APH1B: variants seen among roughly 807,000 people sequenced by gnomAD.
APH1B encodes the protein aph-1B gamma-secretase subunit.
In APH1B, 27 loss-of-function variants were observed where a neutral mutation model predicts 28.2. That is an observed-to-expected ratio of 0.96 (90% CI 0.70 to 1.32). The LOEUF is 1.32. APH1B is among the 40% of genes most tolerant of loss of function. APH1B has a pLI of 0.00. For synonymous variants in APH1B, 141 were observed against 124.6 expected (o/e 1.13, Z -0.88); for missense variants, 305 against 313.6 (o/e 0.97, Z 0.21).
At chr15:63,296,034 A>G (rs551972650) in intron 4 of APH1B, among the ~76,000 whole-genome samples, 2 of 152,238 alleles carry the variant, frequency 1.3e-5, no homozygotes, top group African/African-American at 4.8e-5. Context: ...TTGATTAGCA[A>G]TCTATATCTA....
In APH1B at chr15:63,287,526, C is replaced by G; in HGVS notation, c.458C>G (p.Pro153Arg). Residue 153 changes from proline to arginine, a missense_variant, in exon 4 of 6, where the codon CCT becomes CGT. By Grantham distance (103) the Pro-to-Arg change is moderately radical (BLOSUM62 -2). Coordinates refer to ENST00000261879, the MANE Select transcript of APH1B (RefSeq NM_031301.4). The stretch of plus-strand genomic sequence containing the variant: ...ACAGTGGGCATTCATGGAGATTCTC[C>G]TCAATTCTTCCTTTATTCAGGTATG... ...PGTVGIHGDSPQFFLYSAFMT... is the reference protein window; with the variant it reads ...PGTVGIHGDSRQFFLYSAFMT... The G allele has an allele frequency of 6.2e-7, 1 of 1,613,908 alleles. No individual in the cohort carries two copies. The highest frequency in any genetic ancestry group is 1.3e-5 in the African/African-American group (1 of 75,014).
At position 63,307,923 on chromosome 15, in the gene APH1B, T is replaced by C. The variant is rs894803437; in HGVS notation, c.*2142T>C. Reference sequence around the variant, plus strand: ...AGGAAATTATTTAATAATCCTTTGTTACCTGTGAATGAAGGAACTTTGTAA... The same window carrying C: ...AGGAAATTATTTAATAATCCTTTGTCACCTGTGAATGAAGGAACTTTGTAA... On this transcript the variant is annotated 3_prime_UTR_variant, in exon 6 of 6. Transcript: ENST00000261879. 4 of 152,244 alleles carry C rather than the reference T, an allele frequency of 2.6e-5. No homozygotes were observed. Among genetic ancestry groups the C allele is most frequent in the African/African-American group, 9.7e-5 (4 of 41,448 alleles). 9.4% of individuals were successfully genotyped at this position (152,244 alleles called of 1,614,324 possible). A position where few individuals can be genotyped will look rare whatever the true frequency, so the allele number is the denominator to read the frequency against.
At chr15:63,277,944 C>T (rs910498631) in intron 1 of APH1B, 23 of 578,340 alleles carry the variant, frequency 4.0e-5, no homozygotes, top group African/African-American at 3.4e-4. Flanking sequence ...GGGCCTTTTG[C>T]CTGGGGCTCA....
At chr15:63,279,848 A>T (rs2038367024) in intron 2 of APH1B, among the ~76,000 whole-genome samples, 1 of 145,250 alleles carries the variant, frequency 6.9e-6, no homozygotes, top group Admixed American at 7.2e-5. Context: ...CCCAGGCTGG[A>T]GTGCAATGGT....
At chr15:63,278,338 C>G (rs891208816) in intron 1 of APH1B, 2 of 456,604 alleles carry the variant, frequency 4.4e-6, no homozygotes, top group African/African-American at 2.0e-5. Context: ...GACTGTGCGT[C>G]TCCTTCTGGG....
intron 4 of APH1B, among the ~76,000 whole-genome samples, chr15:63,298,008 T>G (rs1481365049): frequency 6.6e-5 from 10 of 152,034 alleles, no homozygotes; most frequent in Non-Finnish European, 1.5e-5. Context: ...ACTGAAAGGA[T>G]GGGGAAAGGT....
Position 63,305,891 on chromosome 15 carries a change from C to A in APH1B, c.*110C>A. ...TGGTGGAATTGAGAAAGAAATAAAA[C>A]TATGCAGATATGCGTTCCATTCACT... On this transcript the variant is annotated 3_prime_UTR_variant, in exon 6 of 6. Transcript: ENST00000261879. The A allele has an allele frequency of 7.2e-7, 1 of 1,385,390 alleles. No individual in the cohort carries two copies. Among genetic ancestry groups the A allele is most frequent in the Non-Finnish European group, 9.7e-7 (1 of 1,033,862 alleles). 85.8% of individuals were successfully genotyped at this position (1,385,390 alleles called of 1,614,324 possible). A position where few individuals can be genotyped will look rare whatever the true frequency, so the allele number is the denominator to read the frequency against.
chr15:63,286,656 A>T, intron 3 of APH1B, 28 bp downstream of exon 3: 1 of 1,566,804 alleles, frequency 6.4e-7, no homozygotes, highest in South Asian at 1.2e-5. Context: ...GGTTTCATTA[A>T]GGAAAAAAAT....
chr15:63,306,970 C>G lies in APH1B; in HGVS notation c.*1189C>G, dbSNP rs966439842. The G allele has an allele frequency of 2.6e-5, 4 of 152,208 alleles. No individual in the cohort carries two copies. The highest frequency in any genetic ancestry group is 5.9e-5 in the Non-Finnish European group (4 of 68,044). The allele number at this position is 152,208 out of a possible 1,614,324, so 9.4% of individuals were successfully genotyped here. A position where few individuals can be genotyped will look rare whatever the true frequency, so the allele number is the denominator to read the frequency against. On this transcript the variant is annotated 3_prime_UTR_variant, in exon 6 of 6. Transcript: ENST00000261879. ...AATACCCAAGGTGTTCTTTCAGCTT[C>G]CAGACAGGTCCTTTGATTTCCTTTA...
intron 2 of APH1B, among the ~76,000 whole-genome samples, chr15:63,282,622 G>A (rs2038400862): frequency 6.6e-6 from 1 of 151,714 alleles, no homozygotes; most frequent in Admixed American, 6.6e-5. Flanking sequence ...TGAAACTCCT[G>A]TATGTTGCTT....
chr15:63,300,091 A>C (rs2038609850), intron 4 of APH1B, among the ~76,000 whole-genome samples: 1 of 152,128 alleles, frequency 6.6e-6, no homozygotes, highest in African/African-American at 2.4e-5. Flanking sequence ...TGATGATCTA[A>C]ATGCAAATAG....
intron 4 of APH1B, among the ~76,000 whole-genome samples, chr15:63,299,851 T>C (rs1248497434): frequency 6.6e-6 from 1 of 151,904 alleles, no homozygotes; most frequent in Non-Finnish European, 1.5e-5. Flanking sequence ...TTTTATTCCC[T>C]GGCCAGAAAA....
chr15:63,292,116 A>G (rs1399404780), intron 4 of APH1B: 1 of 152,252 alleles, frequency 6.6e-6, no homozygotes, highest in African/African-American at 2.4e-5. Flanking sequence ...GTTAAAGTTT[A>G]GACTCGACTG....
intron 4 of APH1B, among the ~76,000 whole-genome samples, chr15:63,293,495 C>T (rs1421470048): frequency 6.9e-6 from 1 of 145,846 alleles, no homozygotes; most frequent in Non-Finnish European, 1.5e-5. Context: ...TCTTCTTCTT[C>T]TTCTTTTTTT....
chr15:63,282,770 G>A (rs1016146253), intron 2 of APH1B, among the ~76,000 whole-genome samples: 1 of 152,044 alleles, frequency 6.6e-6, no homozygotes, highest in Non-Finnish European at 1.5e-5. Flanking sequence ...TCCATTTATA[G>A]AAAAAACATT....
chr15:63,291,349 T>G (rs2038505118), intron 4 of APH1B, among the ~76,000 whole-genome samples: 1 of 152,226 alleles, frequency 6.6e-6, no homozygotes, highest in Non-Finnish European at 1.5e-5. Flanking sequence ...GCTGATCATT[T>G]TATTTTAAAA....
At chr15:63,303,870 AC>A (rs1321913210) in intron 5 of APH1B, among the ~76,000 whole-genome samples, 122 of 70,452 alleles carry the variant, frequency 1.7e-3, no homozygotes, top group African/African-American at 2.1e-3. Context: ...ACACACACAC[AC>A]ACAACACACA....
At position 63,304,793 on chromosome 15, in the gene APH1B, C is replaced by T. The variant is rs1220534646; in HGVS notation, c.607-821C>T. On this transcript the variant is annotated intron_variant, in intron 5 of 5. Coordinates refer to ENST00000261879, the MANE Select transcript of APH1B (RefSeq NM_031301.4). The surrounding 1 kb of genome is among the most constrained non-coding windows in gnomAD (Gnocchi z 5.1). ...AGAAGAACAATACAAAACAGTGCAGCACTCTGTAAAATGAGTTAAAATTCA... is the reference window on the plus strand; with the variant it reads ...AGAAGAACAATACAAAACAGTGCAGTACTCTGTAAAATGAGTTAAAATTCA... 6.6e-6 allele frequency among the ~76,000 whole-genome samples: 1 copy of T among 152,156 alleles called. No individual in the cohort carries two copies. The highest frequency in any genetic ancestry group is 6.5e-5 in the Admixed American group (1 of 15,282).
chr15:63,298,532 G>A (rs2038591585), intron 4 of APH1B, among the ~76,000 whole-genome samples: 1 of 152,150 alleles, frequency 6.6e-6, no homozygotes, highest in South Asian at 2.1e-4. Flanking sequence ...TTAAGACATA[G>A]TCAAGTACCC....
Sources: gnomAD v4.1 joint callset for allele counts (sites outside exome capture counted in the v4.1 genomes callset) on GRCh38, gnomAD v4.1.1 for gene constraint, Gnocchi (gnomAD v3.1) non-coding constraint, MANE v1.5 for transcripts, NCBI Gene and HGNC (gene_info 2026-07-23, HGNC 2026-07-21) for gene names.